Variants in ASIC2 observed in about 807,000 individuals in gnomAD.
The protein encoded by ASIC2 is acid-sensing ion channel 2.
In ASIC2, 25 loss-of-function variants were observed where a neutral mutation model predicts 57.3. The ratio of observed to expected loss-of-function variants is 0.44; its 90% CI spans 0.32 to 0.61. The LOEUF (loss-of-function observed/expected upper bound fraction) is 0.61, where lower values mean the gene tolerates loss of function less well. Ranked by LOEUF, ASIC2 falls within the 20% of genes least tolerant of loss-of-function variation. The probability of loss-of-function intolerance (pLI) is 0.06; values close to 1 mark genes in which losing one functional copy is unlikely to be tolerated. For missense variants in ASIC2, 641 were observed against 738.1 expected, an observed-to-expected ratio of 0.87 and a Z score of 1.52; for synonymous variants, 319 against 307.5, an observed-to-expected ratio of 1.04 and a Z score of -0.39.
intron 1 of ASIC2, among the ~76,000 whole-genome samples, chr17:33,979,800 C>T (rs966545479): frequency 2.0e-5 from 3 of 152,202 alleles, no homozygotes; most frequent in Admixed American, 2.0e-4. Context: ...AATCACATTT[C>T]TATCTTCACA....
At chr17:33,643,803 G>T (rs1220229127) in intron 1 of ASIC2, among the ~76,000 whole-genome samples, 1 of 152,168 alleles carries the variant, frequency 6.6e-6, no homozygotes, top group Non-Finnish European at 1.5e-5. Context: ...TTGACTTGGG[G>T]CCTGCATGTA....
At chr17:33,341,252 T>A (rs1196120340) in intron 1 of ASIC2, among the ~76,000 whole-genome samples, 1 of 152,196 alleles carries the variant, frequency 6.6e-6, no homozygotes, top group African/African-American at 2.4e-5. Context: ...GGAATCTGCA[T>A]GTTTAACATG....
chr17:33,064,064 G>C (rs762361143), intron 3 of ASIC2, among the ~76,000 whole-genome samples: 9 of 152,066 alleles, frequency 5.9e-5, no homozygotes, highest in Non-Finnish European at 1.2e-4. Flanking sequence ...CAGTTGTCTA[G>C]TCTTTTTTCA....
Position 33,584,896 on chromosome 17 carries a change from C to T in ASIC2, c.556-472829G>A, listed in dbSNP as rs541737159. Among the ~76,000 whole-genome samples, 7 of 152,110 alleles carry T rather than the reference C, an allele frequency of 4.6e-5. No homozygotes were observed. In the South Asian group the frequency reaches 1.0e-3, roughly 23 times the overall value. On this transcript the variant is annotated intron_variant, in intron 1 of 9. Coordinates refer to the ASIC2 transcript ENST00000359872. ...CGATGGCCTAAAGACAAAGACAGGG[C>T]AGAGGCACCATGGTGGATTGATGGG...
intron 1 of ASIC2, among the ~76,000 whole-genome samples, chr17:33,748,547 A>G (rs950308124): frequency 6.6e-6 from 1 of 152,254 alleles, no homozygotes; most frequent in African/African-American, 2.4e-5. Context: ...CCCAGACCCC[A>G]ATTCACTAAC....
intron 1 of ASIC2, among the ~76,000 whole-genome samples, chr17:34,040,795 T>A (rs545694282): frequency 3.3e-5 from 5 of 152,284 alleles, no homozygotes; most frequent in African/African-American, 1.2e-4. Flanking sequence ...GAAGCAATAG[T>A]TAAGTTTGAG....
intron 1 of ASIC2, among the ~76,000 whole-genome samples, chr17:33,783,437 G>A (rs1911516657): frequency 6.6e-6 from 1 of 152,238 alleles, no homozygotes; most frequent in Non-Finnish European, 1.5e-5. Context: ...ATTCATGCAT[G>A]TAAATTCAGT....
intron 1 of ASIC2, among the ~76,000 whole-genome samples, chr17:33,931,870 G>A (rs564223222): frequency 6.6e-5 from 10 of 152,288 alleles, no homozygotes; most frequent in East Asian, 5.8e-4. Flanking sequence ...CTGTTCGGCC[G>A]TTCTCAACAT....
intron 1 of ASIC2, among the ~76,000 whole-genome samples, chr17:33,256,576 C>A (rs374311562): frequency 1.3e-5 from 2 of 152,328 alleles, no homozygotes; most frequent in East Asian, 3.9e-4. Context: ...GATCCCAGCA[C>A]TCACACCTGT....
intron 4 of ASIC2, 88 bp from the exon 5 acceptor site, chr17:33,026,070 G>A (rs1567720103): frequency 2.7e-6 from 4 of 1,464,892 alleles, no homozygotes; most frequent in Admixed American, 1.8e-5. Context: ...AGGGAAAGGG[G>A]TGCCTCCTGG....
chr17:33,830,187 T>C (rs1199160261), intron 1 of ASIC2, among the ~76,000 whole-genome samples: 3 of 152,202 alleles, frequency 2.0e-5, no homozygotes, highest in Non-Finnish European at 2.9e-5. Context: ...TAAGGTCTAC[T>C]ACAGCACAAT....
intron 1 of ASIC2, among the ~76,000 whole-genome samples, chr17:33,493,147 G>A (rs376690545): frequency 5.1e-4 from 78 of 152,308 alleles, no homozygotes; most frequent in African/African-American, 1.9e-3. Flanking sequence ...ACTGGGCCCA[G>A]CAAACAAAGG....
Position 33,292,633 on chromosome 17 carries a change from G to T in ASIC2, c.-518C>A. The T allele has an allele frequency of 1.0e-6, 1 of 985,676 alleles. No homozygotes were observed. Among genetic ancestry groups the T allele is most frequent in the Non-Finnish European group, 1.2e-6 (1 of 830,140 alleles). 61.1% of individuals were successfully genotyped at this position (985,676 alleles called of 1,614,324 possible). A position where few individuals can be genotyped will look rare whatever the true frequency, so the allele number is the denominator to read the frequency against. The stretch of plus-strand genomic sequence containing the variant: ...CCCCACCAGCCCGGCCCGTAGCCCA[G>T]CGGTGCTGGGACACGGGAGAGAAGG... On this transcript the variant is annotated 5_prime_UTR_variant, in exon 1 of 10. It adds an upstream start codon to the 5' untranslated region. Coordinates refer to ENST00000225823, the MANE Select transcript of ASIC2 (RefSeq NM_183377.2).
Position 33,410,761 on chromosome 17 carries a change from A to G in ASIC2, c.556-298694T>C, listed in dbSNP as rs534650481. On this transcript the variant is annotated intron_variant, in intron 1 of 9. Coordinates refer to the ASIC2 transcript ENST00000359872. Reference sequence around the variant, plus strand: ...TCTTCATCCATGACTGTTGTACTGTATCATCTTTGTGAGACAGGCAAAGTT... The same window carrying G: ...TCTTCATCCATGACTGTTGTACTGTGTCATCTTTGTGAGACAGGCAAAGTT... Among the ~76,000 whole-genome samples the G allele has an allele frequency of 8.5e-5, 13 of 152,306 alleles. No individual in the cohort carries two copies. The South Asian group carries it at 1.9e-3, about 22-fold the overall frequency.
chr17:33,838,477 A>T (rs980702456), intron 1 of ASIC2, among the ~76,000 whole-genome samples: 1 of 152,202 alleles, frequency 6.6e-6, no homozygotes, highest in Non-Finnish European at 1.5e-5. Flanking sequence ...CAGATGACAC[A>T]TTCTTAAAGC....
intron 1 of ASIC2, among the ~76,000 whole-genome samples, chr17:33,141,826 C>A (rs1904325842): frequency 6.6e-6 from 1 of 152,206 alleles, no homozygotes; most frequent in South Asian, 2.1e-4. Flanking sequence ...CATGCGTGAA[C>A]CTCTTACCCT....
At chr17:34,155,959 C>T in intron 1 of ASIC2, 1 of 1,585,026 alleles carries the variant, frequency 6.3e-7, no homozygotes. Context: ...ACAGAGTGAG[C>T]TGAAAACCAA....
At chr17:33,044,756 G>GT (rs1332886359) in intron 3 of ASIC2, among the ~76,000 whole-genome samples, 3 of 152,178 alleles carry the variant, frequency 2.0e-5, no homozygotes, top group African/African-American at 7.2e-5. Context: ...CACCCATGGG[G>GT]TTTAGTCTAA....
chr17:33,422,775 C>A lies in ASIC2; in HGVS notation c.556-310708G>T, dbSNP rs183604632. Reference sequence around the variant, plus strand: ...TCTAATCAACTGTTTGCATGCTAATCTCCAGCCCAGACTCAACCTATGAGG... The same window carrying A: ...TCTAATCAACTGTTTGCATGCTAATATCCAGCCCAGACTCAACCTATGAGG... On this transcript the variant is annotated intron_variant, in intron 1 of 9. Coordinates refer to the ASIC2 transcript ENST00000359872. Among the ~76,000 whole-genome samples, 22 of 152,304 alleles carry A rather than the reference C, an allele frequency of 1.4e-4. No individual in the cohort carries two copies. The East Asian group carries it at 4.1e-3, about 28-fold the overall frequency.
Sources: allele counts gnomAD v4.1 joint callset (sites outside exome capture counted in the v4.1 genomes callset), GRCh38; gene constraint gnomAD v4.1.1; transcripts MANE v1.5; gene names NCBI Gene and HGNC (gene_info 2026-07-23, HGNC 2026-07-21).